Variants in PTPRJ observed in about 807,000 individuals in gnomAD.
The protein encoded by PTPRJ is receptor-type tyrosine-protein phosphatase eta.
A neutral mutation model predicts 141.3 loss-of-function variants in PTPRJ; 129 were observed. The ratio of observed to expected loss-of-function variants is 0.91; its 90% confidence interval spans 0.79 to 1.06. The LOEUF is 1.06. Ranked by LOEUF, PTPRJ falls within the 50% of genes least tolerant of loss-of-function variation. The pLI is 0.00. For synonymous variants in PTPRJ, 610 were observed against 640.5 expected (o/e 0.95, Z 0.72); for missense variants, 1,601 against 1,679.7 (o/e 0.95, Z 0.82).
At chr11:48,133,560 CA>C (rs1857025220) in intron 8 of PTPRJ, among the ~76,000 whole-genome samples, 2 of 151,904 alleles carry the variant, frequency 1.3e-5, no homozygotes, top group South Asian at 4.2e-4. Context: ...AAAGCAATTT[CA>C]AAAAAAGGAA....
At chr11:48,142,536 G>A (rs767723906) in intron 11 of PTPRJ, among the ~76,000 whole-genome samples, 1 of 152,000 alleles carries the variant, frequency 6.6e-6, no homozygotes. Flanking sequence ...ATGTTTTGTG[G>A]TTTTCACTCT....
chr11:48,166,110 G>T (rs1051258395), intron 24 of PTPRJ, among the ~76,000 whole-genome samples: 29 of 151,598 alleles, frequency 1.9e-4, no homozygotes, highest in African/African-American at 6.3e-4. Flanking sequence ...TGATCCGCCC[G>T]CCTCGGCCTC....
chr11:48,155,775 G>T, intron 19 of PTPRJ, 26 bp from the exon 20 acceptor site: 1 of 1,530,640 alleles, frequency 6.5e-7, no homozygotes, highest in Non-Finnish European at 8.9e-7. Context: ...CTTATAATGG[G>T]GACCTTTTTT....
At chr11:48,108,245 T>C (rs1342005962) in intron 1 of PTPRJ, among the ~76,000 whole-genome samples, 4 of 152,122 alleles carry the variant, frequency 2.6e-5, no homozygotes. Context: ...GATGTAAGGA[T>C]GATGATGATG....
chr11:48,001,685 G>A (rs188732514), intron 1 of PTPRJ, among the ~76,000 whole-genome samples: 24 of 152,194 alleles, frequency 1.6e-4, no homozygotes, highest in Admixed American at 3.9e-4. Context: ...TTCTCTTCTT[G>A]CTTTCATTTT....
At chr11:48,144,611 T>C (rs1857309516) in intron 12 of PTPRJ, 64 bp from the exon 13 acceptor site, 1 of 1,285,222 alleles carries the variant, frequency 7.8e-7, no homozygotes, top group Non-Finnish European at 1.1e-6. Context: ...CATGTAGATA[T>C]GCAGGAGAAG....
At chr11:48,084,716 G>A (rs1855651617) in intron 1 of PTPRJ, among the ~76,000 whole-genome samples, 1 of 152,088 alleles carries the variant, frequency 6.6e-6, no homozygotes, top group Non-Finnish European at 1.5e-5. Flanking sequence ...GGGGTTTTGT[G>A]AAACTTGGAG....
At chr11:48,145,557 TG>T (rs1471990799) in intron 14 of PTPRJ, among the ~76,000 whole-genome samples, 25 of 88,712 alleles carry the variant, frequency 2.8e-4, no homozygotes, top group African/African-American at 7.2e-4. Context: ...TTTTATTTTA[TG>T]TTTTTTTTTT....
chr11:48,056,833 A>G (rs912836075), intron 1 of PTPRJ, among the ~76,000 whole-genome samples: 3 of 152,200 alleles, frequency 2.0e-5, no homozygotes, highest in Admixed American at 2.0e-4. Flanking sequence ...GCATGCCTAT[A>G]ATCCCAGCTA....
intron 1 of PTPRJ, among the ~76,000 whole-genome samples, chr11:48,070,563 A>G (rs760343548): frequency 1.6e-4 from 24 of 151,432 alleles, no homozygotes; most frequent in Non-Finnish European, 3.1e-4. Flanking sequence ...CAGTAGATTT[A>G]GATCTCCCAG....
chr11:48,166,074 A>C lies in PTPRJ; in HGVS notation c.3856-1130A>C, dbSNP rs113002445. 7.8e-3 allele frequency among the ~76,000 whole-genome samples: 1,177 copies of C among 151,822 alleles called. 17 individuals are homozygous for C. Among genetic ancestry groups the C allele is most frequent in the African/African-American group, 0.027 (1,136 of 41,388 alleles). On this transcript the variant is annotated intron_variant, in intron 24 of 24. Coordinates refer to ENST00000418331, the MANE Select transcript of PTPRJ (RefSeq NM_002843.4). The stretch of plus-strand genomic sequence containing the variant: ...GAGATGGGGTTTCACCATGTTGGCC[A>C]GGATGGTCTCGATCTCCTGACCTCA...
rs745443731 is a variant in PTPRJ at position 48,121,183 on chromosome 11, C to G, written c.533C>G (p.Pro178Arg). The G allele has an allele frequency of 1.7e-5, 27 of 1,613,938 alleles. No individual in the cohort carries two copies. Among genetic ancestry groups the G allele is most frequent in the African/African-American group, 2.7e-5 (2 of 74,894 alleles). Reference protein sequence around the residue: ...QPWCNITGLRPATSYVFSITP... With the variant: ...QPWCNITGLRRATSYVFSITP... The stretch of plus-strand genomic sequence containing the variant: ...TGGTGTAACATCACAGGCTTACGTC[C>G]AGCGACTTCATATGTATTCTCCATC... The change falls in exon 4 of 25, where the codon CCA becomes CGA. Residue 178 changes from proline (P) to arginine (R), a missense_variant. Physicochemically the swap from Pro to Arg is moderately radical, Grantham distance 103. Transcript: ENST00000418331.
rs61139660 is a variant in PTPRJ, at chr11:48,065,004, C to CTT, written c.97-45028_97-45027dup. Among the ~76,000 whole-genome samples, 278 of 117,192 alleles carry CTT rather than the reference C, an allele frequency of 2.4e-3. 20 individuals carry two copies. Among genetic ancestry groups the CTT allele is most frequent in the African/African-American group, 8.3e-3 (216 of 26,126 alleles). 76.9% of individuals were successfully genotyped at this position (117,192 alleles called of 152,430 possible). ...GCTGAGACCTGTTTTCCTCAACTAC[C>CTT]TTTTTTTTTTTTTTTTTTTTTTTTT... On this transcript the variant is annotated intron_variant, in intron 1 of 24. Transcript: ENST00000418331.
chr11:48,166,438 T>C (rs1051820826), intron 24 of PTPRJ, among the ~76,000 whole-genome samples: 4 of 151,346 alleles, frequency 2.6e-5, no homozygotes, highest in Non-Finnish European at 5.9e-5. Flanking sequence ...CTCAGCCTCC[T>C]GAGTAGCTGG....
Position 48,137,264 on chromosome 11 carries a change from G to A in PTPRJ, c.2135G>A (p.Arg712Gln), listed in dbSNP as rs200401339. ...GGGATCAAGTCACTGGAACCTGGCC[G>A]GAAGTCATTCTGTACAGGTGAGTGT... is the stretch of plus-strand genomic sequence containing the variant. The part of the protein sequence containing the change: ...GDGIKSLEPG[R>Q]KSFCTDPASM... Residue 712 changes from arginine (R) to glutamine (Q), a missense_variant, in exon 10 of 25, where the codon CGG becomes CAG. By Grantham distance (43) the Arg-to-Gln change is conservative. Transcript: ENST00000418331. The A allele has an allele frequency of 1.5e-5, 24 of 1,614,020 alleles. No homozygotes were observed. In the African/African-American group the frequency reaches 2.3e-4, roughly 15 times the overall value.
At chr11:48,131,964 C>T in intron 8 of PTPRJ, 1 of 188,448 alleles carries the variant, frequency 5.3e-6, no homozygotes, top group Non-Finnish European at 9.9e-6. Flanking sequence ...GGAATATATG[C>T]TGTGGATTCT....
In PTPRJ at chr11:48,159,108, G is replaced by C. The variant is rs868030570; in HGVS notation, c.3439-822G>C. Among the ~76,000 whole-genome samples the C allele has an allele frequency of 6.8e-5, 8 of 116,952 alleles. No homozygotes were observed. In the East Asian group the frequency reaches 8.7e-4, roughly 13 times the overall value. 76.7% of individuals were successfully genotyped at this position (116,952 alleles called of 152,430 possible). A position where few individuals can be genotyped will look rare whatever the true frequency, so the allele number is the denominator to read the frequency against. Reference sequence around the variant, plus strand: ...GTGTGTGTATGTGGGGTGTGTGTGTGTGTGTGTATGTGGGGTGTGTGTGTG... The same window carrying C: ...GTGTGTGTATGTGGGGTGTGTGTGTCTGTGTGTATGTGGGGTGTGTGTGTG... On this transcript the variant is annotated intron_variant, in intron 21 of 24. Transcript: ENST00000418331.
At chr11:48,001,733 C>G (rs1193217153) in intron 1 of PTPRJ, among the ~76,000 whole-genome samples, 1 of 152,122 alleles carries the variant, frequency 6.6e-6, no homozygotes, top group Non-Finnish European at 1.5e-5. Context: ...AGCTAAGCAA[C>G]CAGCCTGAGG....
intron 12 of PTPRJ, 23 bp from the exon 13 acceptor site, chr11:48,144,652 C>T (rs763405362): frequency 3.8e-6 from 6 of 1,580,286 alleles, no homozygotes; most frequent in Non-Finnish European, 4.3e-6. Context: ...TCTTATGATT[C>T]TCCTTCTGTG....
Sources: allele counts gnomAD v4.1 joint callset (sites outside exome capture counted in the v4.1 genomes callset), GRCh38; gene constraint gnomAD v4.1.1; transcripts MANE v1.5; gene names NCBI Gene and HGNC (gene_info 2026-07-23, HGNC 2026-07-21).